The following NXPH1 variants were observed in gnomAD, a reference collection of about 807,000 sequenced individuals.
NXPH1 encodes the protein neurexophilin 1.
NXPH1 carries 5 observed loss-of-function variants against 23.7 expected under a neutral mutation model. The observed-to-expected ratio is 0.21, with a 90% CI of 0.11 to 0.44. The LOEUF (loss-of-function observed/expected upper bound fraction) is 0.44. Ranked by LOEUF, NXPH1 falls within the 20% of genes least tolerant of loss-of-function variation. NXPH1 has a pLI of 0.99. For synonymous variants in NXPH1, 144 were observed against 122.2 expected, an observed-to-expected ratio of 1.18 and a Z score of -1.18; for missense variants, 324 against 321.6, an observed-to-expected ratio of 1.01 and a Z score of -0.06.
At chr7:8,739,773 C>G (rs115302373) in intron 2 of NXPH1, among the ~76,000 whole-genome samples, 1 of 152,026 alleles carries the variant, frequency 6.6e-6, no homozygotes, top group Non-Finnish European at 1.5e-5. Context: ...TCTTTCCATC[C>G]TTATTCTATA....
intron 2 of NXPH1, among the ~76,000 whole-genome samples, chr7:8,687,076 C>T (rs1562454736): frequency 6.6e-6 from 1 of 152,060 alleles, no homozygotes; most frequent in Non-Finnish European, 1.5e-5. Flanking sequence ...AAACAAGACA[C>T]CCTTTTGACT....
intron 2 of NXPH1, among the ~76,000 whole-genome samples, chr7:8,716,621 C>A (rs1779882712): frequency 6.6e-6 from 1 of 152,116 alleles, no homozygotes; most frequent in Middle Eastern, 3.2e-3. Context: ...CTGTACTTTT[C>A]ATTGCCTTTC....
At chr7:8,516,255 C>T (rs969519693) in intron 2 of NXPH1, among the ~76,000 whole-genome samples, 3 of 151,990 alleles carry the variant, frequency 2.0e-5, no homozygotes, top group Admixed American at 6.6e-5. Context: ...CTCCCGCCTC[C>T]GCAATTTCTC....
At chr7:8,538,845 G>A (rs1397242878) in intron 2 of NXPH1, among the ~76,000 whole-genome samples, 1 of 151,952 alleles carries the variant, frequency 6.6e-6, no homozygotes, top group Non-Finnish European at 1.5e-5. Context: ...ACAGCAAGCT[G>A]TATGGATTTG....
At chr7:8,507,604 G>T (rs1228159109) in intron 2 of NXPH1, among the ~76,000 whole-genome samples, 6 of 152,016 alleles carry the variant, frequency 3.9e-5, no homozygotes, top group African/African-American at 1.4e-4. Context: ...TATTACATAG[G>T]TGCACATGTT....
chr7:8,529,816 C>G (rs974805662), intron 2 of NXPH1, among the ~76,000 whole-genome samples: 5 of 151,976 alleles, frequency 3.3e-5, no homozygotes, highest in African/African-American at 1.2e-4. Context: ...AAAAAATGGT[C>G]CAGAGTAATT....
chr7:8,633,947 C>T (rs551744814), intron 2 of NXPH1, among the ~76,000 whole-genome samples: 1 of 152,282 alleles, frequency 6.6e-6, no homozygotes, highest in East Asian at 1.9e-4. Context: ...TTTATGAAAA[C>T]ACCTTTGCTT....
At chr7:8,539,829 G>C (rs1818085268) in intron 2 of NXPH1, among the ~76,000 whole-genome samples, 1 of 151,720 alleles carries the variant, frequency 6.6e-6, no homozygotes, top group Admixed American at 6.6e-5. Context: ...CTTACATTGA[G>C]TGCAGGAATT....
intron 2 of NXPH1, among the ~76,000 whole-genome samples, chr7:8,476,319 C>T (rs895639483): frequency 4.6e-5 from 7 of 152,124 alleles, no homozygotes; most frequent in East Asian, 1.9e-4. Context: ...AGTTTCTTCC[C>T]TCAAACACTT....
intron 2 of NXPH1, among the ~76,000 whole-genome samples, chr7:8,444,952 A>G (rs1256672678): frequency 6.6e-6 from 1 of 152,080 alleles, no homozygotes; most frequent in Non-Finnish European, 1.5e-5. Flanking sequence ...TGATTACCTG[A>G]GTGTCTTTGT....
intron 2 of NXPH1, among the ~76,000 whole-genome samples, chr7:8,436,825 C>G (rs1395781730): frequency 6.6e-6 from 1 of 152,160 alleles, no homozygotes; most frequent in Non-Finnish European, 1.5e-5. Context: ...ACTGGCGCTC[C>G]TCAATCCCAA....
chr7:8,604,476 T>A (rs1029353263), intron 2 of NXPH1, among the ~76,000 whole-genome samples: 2 of 152,124 alleles, frequency 1.3e-5, no homozygotes, highest in East Asian at 1.9e-4. Context: ...ACTGTATGAT[T>A]TCCTTTCTTT....
At chr7:8,605,222 A>C (rs1378504201) in intron 2 of NXPH1, among the ~76,000 whole-genome samples, 1 of 152,134 alleles carries the variant, frequency 6.6e-6, no homozygotes, top group Non-Finnish European at 1.5e-5. Context: ...GCTTCTGTGT[A>C]ATTTTGGCTC....
chr7:8,635,137 G>A (rs1410052607), intron 2 of NXPH1, among the ~76,000 whole-genome samples: 2 of 152,150 alleles, frequency 1.3e-5, no homozygotes, highest in East Asian at 1.9e-4. Flanking sequence ...GCAACCTAAA[G>A]TGCTGAATAA....
At chr7:8,592,212 G>T (rs1819112917) in intron 2 of NXPH1, among the ~76,000 whole-genome samples, 1 of 152,002 alleles carries the variant, frequency 6.6e-6, no homozygotes, top group Non-Finnish European at 1.5e-5. Context: ...GCAGAGGAAG[G>T]TGTATACTCA....
In NXPH1 at chr7:8,646,062, A is replaced by T. The variant is rs115845095; in HGVS notation, c.55-104946A>T. On this transcript the variant is annotated intron_variant, in intron 2 of 2. Coordinates refer to ENST00000405863, the MANE Select transcript of NXPH1 (RefSeq NM_152745.3). ...TTTGATTTTGCTATTAATTAAATTA[A>T]TGAATTTTGAAAAATTGACATCTTT... is the stretch of plus-strand genomic sequence containing the variant. 5.4e-3 allele frequency among the ~76,000 whole-genome samples: 816 copies of T among 152,222 alleles called. 7 individuals carry two copies. The highest frequency in any genetic ancestry group is 0.018 in the African/African-American group (769 of 41,578).
At chr7:8,553,884 A>G in intron 2 of NXPH1, among the ~76,000 whole-genome samples, 1 of 151,804 alleles carries the variant, frequency 6.6e-6, no homozygotes, top group African/African-American at 2.4e-5. Context: ...TAATTCTCTA[A>G]TGAGTGTTGA....
At chr7:8,641,917 A>G (rs767583847) in intron 2 of NXPH1, among the ~76,000 whole-genome samples, 1 of 152,202 alleles carries the variant, frequency 6.6e-6, no homozygotes, top group Non-Finnish European at 1.5e-5. Context: ...TGAAACTTCT[A>G]CAATAAAATC....
chr7:8,485,527 A>C (rs1584187522), intron 2 of NXPH1, among the ~76,000 whole-genome samples: 1 of 152,212 alleles, frequency 6.6e-6, no homozygotes, highest in South Asian at 2.1e-4. Flanking sequence ...CTCACTCCAC[A>C]GAAGGATGGC....
Sources: allele counts gnomAD v4.1 joint callset (sites outside exome capture counted in the v4.1 genomes callset), GRCh38; gene constraint gnomAD v4.1.1; transcripts MANE v1.5; gene names NCBI Gene and HGNC (gene_info 2026-07-23, HGNC 2026-07-21).